The following PRDM6 variants were observed in gnomAD, a reference collection of about 807,000 sequenced individuals.
PRDM6 encodes the protein putative histone-lysine N-methyltransferase PRDM6.
PRDM6 carries 25 observed loss-of-function variants against 60.8 expected under a neutral mutation model. The observed-to-expected ratio is 0.41, with a 90% CI of 0.30 to 0.57. The LOEUF (loss-of-function observed/expected upper bound fraction) is 0.57. PRDM6 is among the 20% of genes least tolerant of loss of function. The pLI is 0.27. For synonymous variants in PRDM6, 407 were observed against 357.4 expected (o/e 1.14, Z -1.57); for missense variants, 839 against 821.3 (o/e 1.02, Z -0.26).
At chr5:123,171,563 T>G (rs1317890459) in intron 6 of PRDM6, among the ~76,000 whole-genome samples, 3 of 152,204 alleles carry the variant, frequency 2.0e-5, no homozygotes, top group African/African-American at 7.2e-5. Flanking sequence ...TAGTACTATT[T>G]TTCTTCAGAG....
intron 2 of PRDM6, among the ~76,000 whole-genome samples, chr5:123,093,085 G>A (rs946243224): frequency 6.6e-6 from 1 of 152,160 alleles, no homozygotes; most frequent in African/African-American, 2.4e-5. Context: ...GCAGAGGGAA[G>A]CTCCTATTAA....
intron 3 of PRDM6, among the ~76,000 whole-genome samples, chr5:123,133,267 A>G (rs1353657124): frequency 6.6e-6 from 1 of 152,136 alleles, no homozygotes; most frequent in Non-Finnish European, 1.5e-5. Context: ...AGCAAAGGGG[A>G]TAGAAGCAGG....
chr5:123,149,173 G>A (rs926936967), intron 3 of PRDM6, among the ~76,000 whole-genome samples: 2 of 152,156 alleles, frequency 1.3e-5, no homozygotes, highest in Non-Finnish European at 2.9e-5. Context: ...CCTTGATTTA[G>A]CTTTATTTGA....
At chr5:123,124,747 G>C (rs750246778) in intron 3 of PRDM6, among the ~76,000 whole-genome samples, 5 of 152,168 alleles carry the variant, frequency 3.3e-5, no homozygotes, top group Non-Finnish European at 7.3e-5. Flanking sequence ...AGTCTGGAAA[G>C]TTGGACGGCT....
intron 3 of PRDM6, among the ~76,000 whole-genome samples, chr5:123,112,579 C>G (rs947758821): frequency 6.6e-6 from 1 of 152,156 alleles, no homozygotes; most frequent in African/African-American, 2.4e-5. Context: ...CTCTCAGATT[C>G]AGTATCCCGC....
intron 5 of PRDM6, among the ~76,000 whole-genome samples, chr5:123,160,419 T>C (rs1291750152): frequency 4.6e-5 from 7 of 152,260 alleles, no homozygotes; most frequent in Non-Finnish European, 8.8e-5. Context: ...GTTTCAGTGA[T>C]ATTGTGTTTT....
Position 123,170,843 on chromosome 5 carries a change from G to T in PRDM6, c.1231G>T (p.Ala411Ser), listed in dbSNP as rs147025859. 2 of 1,552,118 alleles carry T rather than the reference G, an allele frequency of 1.3e-6. No homozygotes were observed. Among genetic ancestry groups the T allele is most frequent in the South Asian group, 1.2e-5 (1 of 84,052 alleles). ...GCCCTTCAACAAAAGCAGCAAACTC[G>T]CCCCTACCACCCAGCAGCGCTCCGT... Reference protein sequence around the residue: ...LQPFNKSSKLAPTTQQRSVVF... With the variant: ...LQPFNKSSKLSPTTQQRSVVF... The change falls in exon 6 of 8, where the codon GCC becomes TCC. Residue 411 changes from alanine (A) to serine (S), a missense_variant. Ala to Ser is a moderately conservative substitution (Grantham distance 99). Transcript: ENST00000407847.
chr5:123,124,973 T>A (rs1764659822), intron 3 of PRDM6, among the ~76,000 whole-genome samples: 1 of 152,162 alleles, frequency 6.6e-6, no homozygotes, highest in Non-Finnish European at 1.5e-5. Context: ...AACTTTTCCT[T>A]TTTCTCTATT....
chr5:123,119,204 G>A (rs180767591), intron 3 of PRDM6, among the ~76,000 whole-genome samples: 3 of 152,130 alleles, frequency 2.0e-5, no homozygotes, highest in East Asian at 1.9e-4. Context: ...AGCCTAAACC[G>A]ACATCCAAAC....
rs1369998311 is a variant in PRDM6, at chr5:123,187,100, G to A, written c.1687G>A (p.Glu563Lys). The A allele has an allele frequency of 1.3e-6, 2 of 1,551,308 alleles. No homozygotes were observed. The highest frequency in any genetic ancestry group is 1.7e-6 in the Non-Finnish European group (2 of 1,146,812). Residue 563 changes from glutamate (E) to lysine (K), a missense_variant, in exon 8 of 8, where the codon GAG becomes AAG. Glu to Lys is a moderately conservative substitution (Grantham distance 56). Around this residue, in one of 2 missense-constraint regions of PRDM6, gnomAD observed 109 missense variants for 172.6 expected, o/e 0.63. Transcript: ENST00000407847. ...GEKPFKCERCERSFTQATQLS... is the reference protein window; with the variant it reads ...GEKPFKCERCKRSFTQATQLS... ...TGCCTCCACCAGGTGCGAGAGGTGTGAGAGGAGCTTCACGCAGGCCACCCA... is the reference window on the plus strand; with the variant it reads ...TGCCTCCACCAGGTGCGAGAGGTGTAAGAGGAGCTTCACGCAGGCCACCCA...
chr5:123,124,366 A>G, intron 3 of PRDM6, among the ~76,000 whole-genome samples: 1 of 152,228 alleles, frequency 6.6e-6, no homozygotes, highest in East Asian at 1.9e-4. Flanking sequence ...TGTGCTGATC[A>G]GACACACTTC....
chr5:123,163,807 TTTCTGTCTC>T, intron 5 of PRDM6, among the ~76,000 whole-genome samples: 1 of 152,212 alleles, frequency 6.6e-6, no homozygotes, highest in East Asian at 1.9e-4. Context: ...CCTGCTGCTT[TTTCTGTCTC>T]AGCATATGAA....
Position 123,181,902 on chromosome 5 carries a change from C to T in PRDM6, c.1673+1579C>T, listed in dbSNP as rs574011314. 4.6e-5 allele frequency among the ~76,000 whole-genome samples: 7 copies of T among 152,276 alleles called. No individual in the cohort carries two copies. The South Asian group carries it at 1.5e-3, about 32-fold the overall frequency. ...AAGTTCATAAAAGATAGTCATTGTCCCTCTTCTCCTCAATAATTAGTTACT... is the reference window on the plus strand; with the variant it reads ...AAGTTCATAAAAGATAGTCATTGTCTCTCTTCTCCTCAATAATTAGTTACT... On this transcript the variant is annotated intron_variant, in intron 7 of 7. Coordinates refer to ENST00000407847, the MANE Select transcript of PRDM6 (RefSeq NM_001136239.4).
chr5:123,173,443 T>A (rs1202959501), intron 6 of PRDM6: 1 of 166,968 alleles, frequency 6.0e-6, no homozygotes, highest in Non-Finnish European at 1.5e-5. Context: ...CTTATTTGAT[T>A]CAGATGTCCA....
At chr5:123,121,579 C>G (rs1046405330) in intron 3 of PRDM6, among the ~76,000 whole-genome samples, 1 of 152,056 alleles carries the variant, frequency 6.6e-6, no homozygotes, top group Non-Finnish European at 1.5e-5. Context: ...AATGTAAATC[C>G]CAGTCACCTT....
intron 3 of PRDM6, among the ~76,000 whole-genome samples, chr5:123,135,740 C>T (rs1452870952): frequency 6.6e-6 from 1 of 152,166 alleles, no homozygotes; most frequent in Non-Finnish European, 1.5e-5. Context: ...CTCATTAAGT[C>T]ATCTCAAACT....
chr5:123,182,313 G>A (rs1446676798), intron 7 of PRDM6, among the ~76,000 whole-genome samples: 1 of 152,184 alleles, frequency 6.6e-6, no homozygotes, highest in Admixed American at 6.5e-5. Flanking sequence ...TGAGTGGCAC[G>A]TTGCCTGTGC....
intron 5 of PRDM6, among the ~76,000 whole-genome samples, chr5:123,167,936 G>A (rs1019200056): frequency 7.9e-5 from 12 of 152,046 alleles, no homozygotes; most frequent in Non-Finnish European, 1.6e-4. Flanking sequence ...CTAAAACCTC[G>A]TGGGCTTCCC....
intron 5 of PRDM6, among the ~76,000 whole-genome samples, chr5:123,170,273 C>T (rs369234958): frequency 2.6e-5 from 4 of 152,294 alleles, no homozygotes; most frequent in African/African-American, 9.6e-5. Flanking sequence ...TTGTTCCCTT[C>T]ATCTCTTCAA....
Sources: allele counts gnomAD v4.1 joint callset (sites outside exome capture counted in the v4.1 genomes callset), GRCh38; gene constraint gnomAD v4.1.1; regional missense constraint gnomAD v4.1.1; transcripts MANE v1.5; gene names NCBI Gene and HGNC (gene_info 2026-07-23, HGNC 2026-07-21).